Variants in DCBLD2 observed in about 807,000 individuals in gnomAD.
The protein encoded by DCBLD2 is discoidin, CUB and LCCL domain containing 2, also known as discoidin, CUB and LCCL domain-containing protein 2.
Under a neutral mutation model 86.8 loss-of-function variants are expected in DCBLD2, and 54 were observed. The ratio of observed to expected loss-of-function variants is 0.62; its 90% CI spans 0.50 to 0.78. DCBLD2 has a LOEUF of 0.78. Ranked by LOEUF, DCBLD2 falls within the 30% of genes least tolerant of loss-of-function variation. DCBLD2 has a pLI of 0.00. For synonymous variants in DCBLD2, 354 were observed against 341.3 expected, an observed-to-expected ratio of 1.04 and a Z score of -0.41; for missense variants, 908 against 954.2, an observed-to-expected ratio of 0.95 and a Z score of 0.64.
intron 2 of DCBLD2, among the ~76,000 whole-genome samples, chr3:98,859,899 G>A (rs1943008868): frequency 6.6e-6 from 1 of 152,222 alleles, no homozygotes; most frequent in Non-Finnish European, 1.5e-5. Context: ...GTTGAGAGAA[G>A]AAGGCTTCAG....
intron 3 of DCBLD2, among the ~76,000 whole-genome samples, chr3:98,843,815 T>C (rs1484201547): frequency 6.6e-6 from 1 of 152,088 alleles, no homozygotes; most frequent in African/African-American, 2.4e-5. Flanking sequence ...TGTTTATGAG[T>C]TCCGATTAGG....
At chr3:98,889,676 T>A (rs977399815) in intron 1 of DCBLD2, among the ~76,000 whole-genome samples, 1 of 152,070 alleles carries the variant, frequency 6.6e-6, no homozygotes, top group African/African-American at 2.4e-5. Flanking sequence ...GGCCATCTAA[T>A]GCAGCTATCA....
At chr3:98,829,467 T>C (rs1942284497) in intron 3 of DCBLD2, among the ~76,000 whole-genome samples, 1 of 152,186 alleles carries the variant, frequency 6.6e-6, no homozygotes, top group African/African-American at 2.4e-5. Flanking sequence ...TCAGTGTCAA[T>C]TGTTCCCCTT....
At chr3:98,831,880 T>C (rs898569801) in intron 3 of DCBLD2, among the ~76,000 whole-genome samples, 1 of 152,172 alleles carries the variant, frequency 6.6e-6, no homozygotes, top group African/African-American at 2.4e-5. Context: ...ATTTTTAGAG[T>C]ATGTGTCATG....
At chr3:98,870,068 A>C (rs1247607654) in intron 2 of DCBLD2, among the ~76,000 whole-genome samples, 2 of 152,208 alleles carry the variant, frequency 1.3e-5, no homozygotes, top group African/African-American at 4.8e-5. Flanking sequence ...TTCTCAGAGC[A>C]AATGGGGAAA....
intron 3 of DCBLD2, among the ~76,000 whole-genome samples, chr3:98,838,908 T>C (rs1250807474): frequency 2.6e-5 from 4 of 151,466 alleles, no homozygotes; most frequent in Non-Finnish European, 5.9e-5. Context: ...TGGCGGCGCG[T>C]GCCTGCAATC....
intron 3 of DCBLD2, among the ~76,000 whole-genome samples, chr3:98,847,164 AG>A (rs1233225689): frequency 6.6e-6 from 1 of 152,138 alleles, no homozygotes; most frequent in East Asian, 1.9e-4. Flanking sequence ...CAGTGGTAGA[AG>A]GGGGGAAACT....
intron 2 of DCBLD2, among the ~76,000 whole-genome samples, chr3:98,877,939 G>A (rs1457586307): frequency 6.6e-6 from 1 of 151,994 alleles, no homozygotes; most frequent in African/African-American, 2.4e-5. Flanking sequence ...GATAAGTGAT[G>A]GCCTAACACA....
chr3:98,892,552 G>A (rs939331714), intron 1 of DCBLD2, among the ~76,000 whole-genome samples: 2 of 152,072 alleles, frequency 1.3e-5, no homozygotes, highest in East Asian at 3.9e-4. Flanking sequence ...TGTTAAAACC[G>A]TAAGCCTTCG....
rs527309733 is a variant in DCBLD2, at chr3:98,888,627, G to A, written c.206-6860C>T. Among the ~76,000 whole-genome samples the A allele has an allele frequency of 2.0e-5, 3 of 152,094 alleles. No individual in the cohort carries two copies. In the East Asian group the frequency reaches 5.8e-4, roughly 29 times the overall value. On this transcript the variant is annotated intron_variant, in intron 1 of 15. Transcript: ENST00000326840. Reference sequence around the variant, plus strand: ...ATAAATATTTGTGAGTACTATTATTGTCATAAAAGATCAGAACAGCTTTTG... The same window carrying A: ...ATAAATATTTGTGAGTACTATTATTATCATAAAAGATCAGAACAGCTTTTG...
At chr3:98,886,727 T>C (rs1943568660) in intron 1 of DCBLD2, among the ~76,000 whole-genome samples, 1 of 151,862 alleles carries the variant, frequency 6.6e-6, no homozygotes, top group Non-Finnish European at 1.5e-5. Flanking sequence ...ATAGAACATG[T>C]GTTCACTTCC....
chr3:98,799,503 C>T lies in DCBLD2; in HGVS notation c.2197G>A (p.Asp733Asn), dbSNP rs200480826. 9 of 1,613,998 alleles carry T rather than the reference C, an allele frequency of 5.6e-6. No individual in the cohort carries two copies. Among genetic ancestry groups the T allele is most frequent in the Non-Finnish European group, 6.8e-6 (8 of 1,179,878 alleles). Residue 733 changes from aspartate to asparagine, a missense_variant, in exon 16 of 16, where the codon GAT (aspartate) becomes AAT (asparagine). Coordinates refer to ENST00000326840, the MANE Select transcript of DCBLD2 (RefSeq NM_080927.4). ...CCTGGCTTCCCAGCTTTCGGGGTAT[C>T]ATACTGGGCCTGGGCTGAGGAGCAG... ...DSCSSAQAQY[D>N]TPKAGKPGLP...
At chr3:98,857,283 CAA>C (rs1942948135) in intron 2 of DCBLD2, among the ~76,000 whole-genome samples, 2 of 152,146 alleles carry the variant, frequency 1.3e-5, no homozygotes, top group Non-Finnish European at 1.5e-5. Flanking sequence ...AGTGTGGACC[CAA>C]AGAGTGAGCA....
Position 98,901,263 on chromosome 3 carries a change from C to T in DCBLD2, c.64G>A (p.Ala22Thr). ...CPQCPQVRAAAAAPAWAALPL... is the reference protein window; with the variant it reads ...CPQCPQVRAATAAPAWAALPL... ...AGCGCGGCCCAGGCGGGGGCGGCGG[C>T]CGCGGCCCGGACTTGGGGACACTGC... Residue 22 changes from alanine to threonine, a missense_variant, in exon 1 of 16, where the codon GCC becomes ACC. Around this residue, in one of 3 missense-constraint regions of DCBLD2, gnomAD observed 294 missense variants for 256.0 expected, o/e 1.15. Transcript: ENST00000326840. 1 of 1,530,802 alleles carries T rather than the reference C, an allele frequency of 6.5e-7. No homozygotes were observed. Among genetic ancestry groups the T allele is most frequent in the Non-Finnish European group, 8.7e-7 (1 of 1,144,128 alleles). 94.8% of individuals were successfully genotyped at this position (1,530,802 alleles called of 1,614,324 possible).
chr3:98,810,579 C>A (rs1296338030), intron 12 of DCBLD2, among the ~76,000 whole-genome samples: 1 of 152,108 alleles, frequency 6.6e-6, no homozygotes, highest in Non-Finnish European at 1.5e-5. Flanking sequence ...TTTTGTTTTT[C>A]AACAACTAGT....
chr3:98,879,983 G>C (rs1319006841), intron 2 of DCBLD2, among the ~76,000 whole-genome samples: 1 of 152,162 alleles, frequency 6.6e-6, no homozygotes, highest in African/African-American at 2.4e-5. Context: ...GCATCTGCAG[G>C]AGACATCTAC....
At chr3:98,813,877 CTG>C (rs1413277691) in intron 9 of DCBLD2, 6 of 152,274 alleles carry the variant, frequency 3.9e-5, no homozygotes, top group Admixed American at 3.3e-4. Flanking sequence ...GCACAGGAAT[CTG>C]TAAGTGGATT....
At chr3:98,847,214 AGT>A (rs1491218473) in intron 3 of DCBLD2, among the ~76,000 whole-genome samples, 27 of 130,340 alleles carry the variant, frequency 2.1e-4, no homozygotes, top group African/African-American at 7.5e-4. Flanking sequence ...GCCTACAAAC[AGT>A]ACACATGTTT....
intron 3 of DCBLD2, among the ~76,000 whole-genome samples, chr3:98,827,149 T>G (rs1219742077): frequency 2.0e-5 from 3 of 152,140 alleles, no homozygotes; most frequent in Non-Finnish European, 4.4e-5. Context: ...AAATCTGTGC[T>G]TTAGGAATTT....
Sources: allele counts gnomAD v4.1 joint callset (sites outside exome capture counted in the v4.1 genomes callset), GRCh38; gene constraint gnomAD v4.1.1; regional missense constraint gnomAD v4.1.1; transcripts MANE v1.5; gene names NCBI Gene and HGNC (gene_info 2026-07-23, HGNC 2026-07-21).